The following ZMYM2 variants were observed in gnomAD, a reference collection of about 807,000 sequenced individuals.
ZMYM2 encodes zinc finger MYM-type containing 2, also known as zinc finger MYM-type protein 2.
ZMYM2 carries 56 observed loss-of-function variants against 162.8 expected under a neutral mutation model. The ratio of observed to expected loss-of-function variants is 0.34; its 90% CI spans 0.28 to 0.43. The LOEUF (loss-of-function observed/expected upper bound fraction) is 0.43. Ranked by LOEUF, ZMYM2 falls within the 20% of genes least tolerant of loss-of-function variation. ZMYM2 has a pLI of 1.00. For synonymous variants in ZMYM2, 510 were observed against 541.6 expected (o/e 0.94, Z 0.81); for missense variants, 1,275 against 1,621.8 (o/e 0.79, Z 3.67).
chr13:20,027,620 G>A (rs1225558078), intron 9 of ZMYM2, among the ~76,000 whole-genome samples: 9 of 152,068 alleles, frequency 5.9e-5, no homozygotes, highest in African/African-American at 4.8e-5. Flanking sequence ...AATGTGAACC[G>A]TAAGGGGAAC....
chr13:19,868,198 C>G, the ZMYM2 span, among the ~76,000 whole-genome samples: 1 of 152,214 alleles, frequency 6.6e-6, no homozygotes. Context: ...AGAGTTTCAT[C>G]TCTACATTTT....
intron 21 of ZMYM2, among the ~76,000 whole-genome samples, chr13:20,073,328 C>CTT (rs1409083238): frequency 6.6e-6 from 1 of 152,150 alleles, no homozygotes; most frequent in Non-Finnish European, 1.5e-5. Flanking sequence ...AATATAGCTA[C>CTT]TTATATATAA....
At chr13:20,066,587 CATT>C (rs1158474277) in intron 19 of ZMYM2, 1 of 327,814 alleles carries the variant, frequency 3.1e-6, no homozygotes, top group Non-Finnish European at 5.5e-6. Flanking sequence ...AGATCATCCT[CATT>C]GTCTTCAAGT....
the ZMYM2 span, among the ~76,000 whole-genome samples, chr13:19,905,132 C>A: frequency 1.3e-5 from 2 of 151,772 alleles, no homozygotes; most frequent in Non-Finnish European, 2.9e-5. Context: ...CTGTCTCAGC[C>A]TCCCAAGTAG....
intron 12 of ZMYM2, among the ~76,000 whole-genome samples, 180 bp from the exon 13 acceptor site, chr13:20,051,253 G>GCATCTTTTT (rs369364385): frequency 4.9e-4 from 36 of 74,178 alleles, no homozygotes; most frequent in Non-Finnish European, 7.7e-4. Context: ...CTGTGAAATT[G>GCATCTTTTT]TATTTTTTTT....
chr13:19,960,251 T>C (rs1481716485), intron 2 of ZMYM2, among the ~76,000 whole-genome samples: 3 of 152,148 alleles, frequency 2.0e-5, no homozygotes, highest in African/African-American at 4.8e-5. Context: ...AATACCAACC[T>C]CAGCAACCAG....
the ZMYM2 span, among the ~76,000 whole-genome samples, chr13:19,881,517 G>A: frequency 5.3e-5 from 8 of 152,114 alleles, no homozygotes; most frequent in African/African-American, 1.9e-4. Context: ...AGCTACTCGA[G>A]AGACTGAGGT....
At position 20,082,978 on chromosome 13, in the gene ZMYM2, A is replaced by C. The variant is rs1244241855; in HGVS notation, c.3766A>C (p.Asn1256His). 1 of 1,613,992 alleles carries C rather than the reference A, an allele frequency of 6.2e-7. No individual in the cohort carries two copies. The highest frequency in any genetic ancestry group is 2.2e-5 in the East Asian group (1 of 44,870). ...HWKKNPLTME[N>H]KACLRYQVSS... ...GAAAAAAAATCCTTTAACGATGGAA[A>C]ACAAAGCGTGTCTTCGATACCAAGT... The change falls in exon 23 of 25, where the codon AAC becomes CAC. Residue 1256 changes from asparagine (N) to histidine (H), a missense_variant. Around this residue, in one of 10 missense-constraint regions of ZMYM2, gnomAD observed 103 missense variants for 192.2 expected, o/e 0.54. Transcript: ENST00000610343.
At chr13:19,864,742 C>G in the ZMYM2 span, 2 of 152,320 alleles carry the variant, frequency 1.3e-5, no homozygotes, top group Non-Finnish European at 2.9e-5. Flanking sequence ...CGCTCTATCG[C>G]GGGGCGCACC....
intron 21 of ZMYM2, among the ~76,000 whole-genome samples, chr13:20,071,586 C>T (rs1457400978): frequency 6.6e-6 from 1 of 152,170 alleles, no homozygotes; most frequent in Non-Finnish European, 1.5e-5. Context: ...AGGGATGGTC[C>T]CTGCTTGGCC....
chr13:19,870,595 C>CCTTCCTTCCTTCCTTCCTTCCTTT, the ZMYM2 span, among the ~76,000 whole-genome samples: 254 of 142,802 alleles, frequency 1.8e-3, no homozygotes, highest in African/African-American at 6.5e-3. Context: ...TTCCTTCCTT[C>CCTTCCTTCCTTCCTTCCTTCCTTT]CTTTCTTTCT....
the ZMYM2 span, among the ~76,000 whole-genome samples, chr13:19,900,787 G>A: frequency 1.3e-5 from 2 of 151,892 alleles, no homozygotes; most frequent in African/African-American, 4.8e-5. Context: ...AGGACTATAC[G>A]CTTTGGGAGG....
intron 18 of ZMYM2, 142 bp downstream of exon 18, chr13:20,063,113 G>T: frequency 1.9e-6 from 2 of 1,060,536 alleles, no homozygotes; most frequent in Non-Finnish European, 1.3e-6. Flanking sequence ...CACCTTAAGA[G>T]TTAACTTCAT....
At chr13:19,875,384 C>T in the ZMYM2 span, among the ~76,000 whole-genome samples, 1 of 152,040 alleles carries the variant, frequency 6.6e-6, no homozygotes, top group Non-Finnish European at 1.5e-5. Flanking sequence ...AATCCCAGCA[C>T]TTAGGGAGGC....
At chr13:20,011,258 G>T (rs1226516493) in intron 6 of ZMYM2, among the ~76,000 whole-genome samples, 1 of 152,144 alleles carries the variant, frequency 6.6e-6, no homozygotes, top group Non-Finnish European at 1.5e-5. Context: ...TGTACAGTTT[G>T]AGTATCCCTT....
At chr13:20,052,180 C>T in intron 13 of ZMYM2, 97 bp from the exon 14 acceptor site, 1 of 1,008,174 alleles carries the variant, frequency 9.9e-7, no homozygotes, top group East Asian at 2.7e-5. Flanking sequence ...TTTCTTTAGT[C>T]ACATTTTAAA....
At chr13:20,034,983 A>G (rs1210485882) in intron 11 of ZMYM2, among the ~76,000 whole-genome samples, 1 of 152,204 alleles carries the variant, frequency 6.6e-6, no homozygotes, top group African/African-American at 2.4e-5. Flanking sequence ...TTATCCAGAG[A>G]TAGGAACTAG....
At chr13:20,084,199 G>A (rs900413758) in intron 24 of ZMYM2, among the ~76,000 whole-genome samples, 1 of 152,128 alleles carries the variant, frequency 6.6e-6, no homozygotes, top group African/African-American at 2.4e-5. Flanking sequence ...TTTTTGTAGA[G>A]ACAGGATCTC....
Position 20,060,942 on chromosome 13 carries a change from T to C in ZMYM2, c.2740-111T>C, listed in dbSNP as rs188401689. Reference sequence around the variant, plus strand: ...GTTTTGTATGTGTTCTTTTCAAAGCTTTTATCCAGTGTGATATTACAAAGT... The same window carrying C: ...GTTTTGTATGTGTTCTTTTCAAAGCCTTTATCCAGTGTGATATTACAAAGT... On this transcript the variant is annotated intron_variant, in intron 16 of 24. Coordinates refer to ENST00000610343, the MANE Select transcript of ZMYM2 (RefSeq NM_197968.4). 3.8e-6 allele frequency: 4 copies of C among 1,052,104 alleles called. No individual in the cohort carries two copies. In the African/African-American group the frequency reaches 4.8e-5, roughly 13 times the overall value. The allele number at this position is 1,052,104 out of a possible 1,614,324, so 65.2% of individuals were successfully genotyped here.
Sources: gnomAD v4.1 joint callset for allele counts (sites outside exome capture counted in the v4.1 genomes callset) on GRCh38, gnomAD v4.1.1 for gene constraint, gnomAD v4.1.1 regional missense constraint, MANE v1.5 for transcripts, NCBI Gene and HGNC (gene_info 2026-07-23, HGNC 2026-07-21) for gene names.